VASH2: variants seen among roughly 807,000 people sequenced by gnomAD.
VASH2 encodes vasohibin 2.
VASH2 carries 28 observed loss-of-function variants against 37.2 expected under a neutral mutation model. The ratio of observed to expected loss-of-function variants is 0.75; its 90% CI spans 0.56 to 1.03. VASH2 has a LOEUF of 1.03. Among genes scored for constraint, VASH2 ranks in the 50% least tolerant of loss-of-function variants. The pLI, the probability that VASH2 is intolerant of heterozygous loss-of-function variation, is 0.00. For synonymous variants in VASH2, 188 were observed against 174.7 expected, an observed-to-expected ratio of 1.08 and a Z score of -0.60; for missense variants, 419 against 459.1, an observed-to-expected ratio of 0.91 and a Z score of 0.80.
chr1:212,966,988 G>A lies in VASH2; in HGVS notation c.497+643G>A, dbSNP rs778439534. The A allele has an allele frequency of 2.5e-4, 168 of 668,960 alleles. 2 individuals are homozygous for A. Among genetic ancestry groups the A allele is most frequent in the South Asian group, 1.2e-3 (84 of 68,206 alleles). The allele number at this position is 668,960 out of a possible 1,614,324, so 41.4% of individuals were successfully genotyped here. ...TCAAACTGCTGAGCTCAAGTGATCCGCCCACCTCAGCCTCCCAAAGTGTTG... is the reference window on the plus strand; with the variant it reads ...TCAAACTGCTGAGCTCAAGTGATCCACCCACCTCAGCCTCCCAAAGTGTTG... On this transcript the variant is annotated intron_variant, in intron 5 of 7. Coordinates refer to ENST00000517399, the MANE Select transcript of VASH2 (RefSeq NM_001301056.2).
chr1:212,971,034 G>A lies in VASH2; in HGVS notation c.498-1546G>A, dbSNP rs952968689. 1.3e-5 allele frequency among the ~76,000 whole-genome samples: 2 copies of A among 151,804 alleles called. No individual in the cohort carries two copies. The highest frequency in any genetic ancestry group is 2.4e-5 in the African/African-American group (1 of 41,264). ...GTATGCACTTGCTACTCCAGGTACC[G>A]CAGATGAGTGGAATCATACCATATT... On this transcript the variant is annotated intron_variant, in intron 5 of 7. Transcript: ENST00000517399. The surrounding 1 kb of genome is among the most constrained non-coding windows in gnomAD (Gnocchi z 4.0).
intron 2 of VASH2, among the ~76,000 whole-genome samples, chr1:212,960,149 C>T (rs190625393): frequency 3.9e-5 from 6 of 152,324 alleles, no homozygotes; most frequent in African/African-American, 1.4e-4. Flanking sequence ...CTTCAGGGTA[C>T]GGCTGCTCAG....
chr1:212,953,238 G>C (rs1572054521), intron 2 of VASH2, among the ~76,000 whole-genome samples: 1 of 150,410 alleles, frequency 6.6e-6, no homozygotes, highest in African/African-American at 2.5e-5. Flanking sequence ...CGCGGGGGGG[G>C]GTGCATTCTC....
chr1:212,978,492 C>T (rs921549757), intron 7 of VASH2, among the ~76,000 whole-genome samples: 6 of 152,210 alleles, frequency 3.9e-5, no homozygotes, highest in Non-Finnish European at 7.4e-5. Flanking sequence ...TCGATCCCAG[C>T]CCCAGTGGGG....
intron 7 of VASH2, among the ~76,000 whole-genome samples, chr1:212,984,413 G>A (rs1194266631): frequency 6.6e-6 from 1 of 152,136 alleles, no homozygotes; most frequent in African/African-American, 2.4e-5. Flanking sequence ...GGGATGAGCG[G>A]GTGGGCTTTG....
rs1450391522 is a variant in VASH2 at position 212,950,977 on chromosome 1, C to G, written c.-205+237C>G. ...TCACATGCCAGCACGTTCGTGGCTC[C>G]CCTCCTCTCTTGGCCACATCTGAGG... is the stretch of plus-strand genomic sequence containing the variant. On this transcript the variant is annotated intron_variant, in intron 1 of 7. Transcript: ENST00000517399. This position sits in a 1 kb window ranked among gnomAD's most constrained non-coding sequence, Gnocchi z 5.5. Among the ~76,000 whole-genome samples the G allele has an allele frequency of 6.6e-6, 1 of 152,260 alleles. No homozygotes were observed. Among genetic ancestry groups the G allele is most frequent in the Non-Finnish European group, 1.5e-5 (1 of 68,046 alleles).
At chr1:212,977,661 T>A (rs1244701315) in intron 7 of VASH2, among the ~76,000 whole-genome samples, 1 of 152,044 alleles carries the variant, frequency 6.6e-6, no homozygotes, top group Non-Finnish European at 1.5e-5. Flanking sequence ...GTGAAGGAGT[T>A]GAAGAAAGGG....
intron 2 of VASH2, among the ~76,000 whole-genome samples, chr1:212,957,702 T>C (rs1021283646): frequency 3.3e-5 from 5 of 150,098 alleles, no homozygotes; most frequent in Non-Finnish European, 7.4e-5. Context: ...CCTCCGCCTC[T>C]CAGGTTTAAG....
At chr1:212,970,315 C>T (rs1666971721) in intron 5 of VASH2, among the ~76,000 whole-genome samples, 1 of 152,172 alleles carries the variant, frequency 6.6e-6, no homozygotes, top group Non-Finnish European at 1.5e-5. Flanking sequence ...GAGAAATCCT[C>T]AAGATCAGTG....
At chr1:212,959,096 C>T (rs748206993) in intron 2 of VASH2, among the ~76,000 whole-genome samples, 9 of 152,174 alleles carry the variant, frequency 5.9e-5, no homozygotes, top group East Asian at 3.9e-4. Context: ...CTCTCTCGTT[C>T]GTTCGTACAG....
chr1:212,988,491 AT>A lies in VASH2; in HGVS notation c.996-18del. On this transcript the variant is annotated intron_variant, in intron 7 of 7. Transcript: ENST00000517399. The stretch of plus-strand genomic sequence containing the variant: ...TGCCCCATCCCCTCTCCTCCACCAT[AT>A]TTCTGTCTTTTACCCTTAGGCCTGC... 6.2e-7 allele frequency: 1 copy of A among 1,613,414 alleles called. No homozygotes were observed. Among genetic ancestry groups the A allele is most frequent in the East Asian group, 2.2e-5 (1 of 44,858 alleles).
chr1:212,955,522 G>T (rs570039649), intron 2 of VASH2, among the ~76,000 whole-genome samples: 21 of 152,306 alleles, frequency 1.4e-4, no homozygotes, highest in African/African-American at 5.1e-4. Flanking sequence ...GAGGCTCAGA[G>T]AGAGTGGCCA....
intron 7 of VASH2, among the ~76,000 whole-genome samples, chr1:212,976,920 C>A (rs1404197082): frequency 6.6e-6 from 1 of 152,248 alleles, no homozygotes; most frequent in South Asian, 2.1e-4. Context: ...CGGAGTCGAC[C>A]CCAGCCCCAC....
chr1:212,988,347 G>C (rs2075818170), intron 7 of VASH2, among the ~76,000 whole-genome samples, 165 bp from the exon 8 acceptor site: 3 of 152,214 alleles, frequency 2.0e-5, no homozygotes, highest in Admixed American at 2.0e-4. Context: ...GTGGACTTAA[G>C]AACAAGAAGT....
intron 3 of VASH2, among the ~76,000 whole-genome samples, chr1:212,961,989 C>T (rs181691625): frequency 1.3e-5 from 2 of 152,336 alleles, no homozygotes; most frequent in Admixed American, 6.5e-5. Context: ...TCATGATCTA[C>T]AAGAGGCCCA....
At chr1:212,954,176 G>A (rs1011068815) in intron 2 of VASH2, among the ~76,000 whole-genome samples, 1 of 152,204 alleles carries the variant, frequency 6.6e-6, no homozygotes, top group Non-Finnish European at 1.5e-5. Flanking sequence ...GCTTCCCAAA[G>A]TGGTGGGATT....
intron 5 of VASH2, among the ~76,000 whole-genome samples, chr1:212,970,218 C>T (rs957807721): frequency 1.3e-5 from 2 of 152,218 alleles, no homozygotes; most frequent in Non-Finnish European, 1.5e-5. Context: ...GGTTACTCCC[C>T]TGCCTGCCTC....
At chr1:212,972,042 C>G (rs546108387) in intron 5 of VASH2, among the ~76,000 whole-genome samples, 109 of 152,304 alleles carry the variant, frequency 7.2e-4, no homozygotes, top group African/African-American at 2.6e-3. Context: ...TGCTGCTCCC[C>G]CTTCCCTGGA....
Position 212,951,451 on chromosome 1 carries a change from C to T in VASH2, c.-92C>T, listed in dbSNP as rs1346097208. 1.0e-4 allele frequency: 76 copies of T among 761,774 alleles called. No homozygotes were observed. Among genetic ancestry groups the T allele is most frequent in the Admixed American group, 1.8e-4 (3 of 16,870 alleles). The allele number at this position is 761,774 out of a possible 1,614,324, so 47.2% of individuals were successfully genotyped here. On this transcript the variant is annotated 5_prime_UTR_variant, in exon 2 of 8. Coordinates refer to ENST00000517399, the MANE Select transcript of VASH2 (RefSeq NM_001301056.2). This position sits in a 1 kb window ranked among gnomAD's most constrained non-coding sequence, Gnocchi z 4.4. Reference sequence around the variant, plus strand: ...GCCGCCCCCGCGGGGCGCTGATCCCCTCGCCGCGCCCGCGCGCACACGCCC... The same window carrying T: ...GCCGCCCCCGCGGGGCGCTGATCCCTTCGCCGCGCCCGCGCGCACACGCCC...
Sources: gnomAD v4.1 joint callset for allele counts (sites outside exome capture counted in the v4.1 genomes callset) on GRCh38, gnomAD v4.1.1 for gene constraint, Gnocchi (gnomAD v3.1) non-coding constraint, MANE v1.5 for transcripts, NCBI Gene and HGNC (gene_info 2026-07-23, HGNC 2026-07-21) for gene names.